Variants in JMJD1C observed in about 807,000 individuals in gnomAD.
JMJD1C encodes the protein jumonji domain containing 1C.
JMJD1C carries 31 observed loss-of-function variants against 245.3 expected under a neutral mutation model. The observed-to-expected ratio is 0.13, with a 90% confidence interval of 0.09 to 0.17. The LOEUF (loss-of-function observed/expected upper bound fraction) is 0.17. JMJD1C is among the 10% of genes least tolerant of loss of function. JMJD1C has a pLI of 1.00. For synonymous variants in JMJD1C, 1,057 were observed against 1,017.4 expected, an observed-to-expected ratio of 1.04 and a Z score of -0.74; for missense variants, 2,691 against 3,000.2, an observed-to-expected ratio of 0.90 and a Z score of 2.41.
intron 2 of JMJD1C, among the ~76,000 whole-genome samples, chr10:63,313,561 G>A (rs1055475904): frequency 6.6e-6 from 1 of 152,114 alleles, no homozygotes; most frequent in South Asian, 2.1e-4. Context: ...TCCCACCAGC[G>A]GTGTAAGAAT....
intron 2 of JMJD1C, among the ~76,000 whole-genome samples, chr10:63,354,642 T>G (rs1019062444): frequency 1.3e-5 from 2 of 148,456 alleles, no homozygotes; most frequent in Non-Finnish European, 3.0e-5. Flanking sequence ...TTTTTATTAT[T>G]CAGAGTATTT....
At chr10:63,247,189 A>C (rs559118536) in intron 3 of JMJD1C, among the ~76,000 whole-genome samples, 1 of 151,708 alleles carries the variant, frequency 6.6e-6, no homozygotes, top group African/African-American at 2.4e-5. Flanking sequence ...AGATAGATAA[A>C]ATCAATAAAT....
At position 63,206,750 on chromosome 10, in the gene JMJD1C, T is replaced by C. The variant is rs1846672505; in HGVS notation, c.4919A>G (p.Gln1640Arg). Residue 1640 changes from glutamine (Q) to arginine (R), a missense_variant, in exon 10 of 26, where the codon CAA (glutamine) becomes CGA (arginine). This residue lies in a region of JMJD1C where 144 missense variants were observed against 143.3 expected (regional missense o/e 1.00). Transcript: ENST00000399262. Reference sequence around the variant, plus strand: ...TGGCTTAGGTTGTCTTTTAGTCCTTTGCTCTGACTTGCTTTCACTTTCATC... The same window carrying C: ...TGGCTTAGGTTGTCTTTTAGTCCTTCGCTCTGACTTGCTTTCACTTTCATC... The part of the protein sequence containing the change: ...DSDESESKSE[Q>R]RTKRQPKPTY... The C allele has an allele frequency of 1.9e-6, 3 of 1,612,744 alleles. No individual in the cohort carries two copies. The highest frequency in any genetic ancestry group is 1.7e-6 in the Non-Finnish European group (2 of 1,179,794).
At chr10:63,170,571 C>T (rs1256077456) in intron 24 of JMJD1C, among the ~76,000 whole-genome samples, 1 of 152,204 alleles carries the variant, frequency 6.6e-6, no homozygotes, top group Non-Finnish European at 1.5e-5. Flanking sequence ...AAATCAGCTG[C>T]CCTTTTCTTC....
At chr10:63,339,211 G>A (rs891554685) in intron 2 of JMJD1C, among the ~76,000 whole-genome samples, 9 of 152,194 alleles carry the variant, frequency 5.9e-5, no homozygotes, top group Non-Finnish European at 1.2e-4. Context: ...ATTCACTGAA[G>A]AGACTTGCTG....
At position 63,204,112 on chromosome 10, in the gene JMJD1C, G is replaced by A. The variant is rs989475022; in HGVS notation, c.5074+2483C>T. On this transcript the variant is annotated intron_variant, in intron 10 of 25. Coordinates refer to ENST00000399262, the MANE Select transcript of JMJD1C (RefSeq NM_032776.3). ...CTGCACTCCAGTCTGGGCAATGTAG[G>A]GAGACTGTCTCTAAAAAATATTTAA... 1.7e-5 allele frequency: 16 copies of A among 937,648 alleles called. No individual in the cohort carries two copies. The African/African-American group carries it at 2.5e-4, about 15-fold the overall frequency. The allele number at this position is 937,648 out of a possible 1,614,324, so 58.1% of individuals were successfully genotyped here. A position where few individuals can be genotyped will look rare whatever the true frequency, so the allele number is the denominator to read the frequency against.
chr10:63,335,651 A>G (rs1021749024), intron 2 of JMJD1C, among the ~76,000 whole-genome samples: 8 of 152,226 alleles, frequency 5.3e-5, no homozygotes, highest in Admixed American at 5.2e-4. Flanking sequence ...AGCTAGGATT[A>G]CAGGCACCTG....
intron 2 of JMJD1C, among the ~76,000 whole-genome samples, chr10:63,317,374 G>A (rs1466263070): frequency 6.6e-6 from 1 of 151,950 alleles, no homozygotes; most frequent in Non-Finnish European, 1.5e-5. Flanking sequence ...GCACAGTGGC[G>A]TGTGCCTGTA....
chr10:63,332,783 T>A (rs1942299133), intron 2 of JMJD1C, among the ~76,000 whole-genome samples: 1 of 152,234 alleles, frequency 6.6e-6, no homozygotes, highest in Non-Finnish European at 1.5e-5. Context: ...CAAAAGAATA[T>A]GCTAGGTTGA....
At chr10:63,452,521 T>G (rs1250071787) in intron 1 of JMJD1C, among the ~76,000 whole-genome samples, 2 of 152,188 alleles carry the variant, frequency 1.3e-5, no homozygotes, top group African/African-American at 2.4e-5. Context: ...TGGAAAACTG[T>G]GCAGTGGTTC....
intron 2 of JMJD1C, among the ~76,000 whole-genome samples, chr10:63,299,867 C>CCAGTCTTCTTGAATTTT (rs1859878762): frequency 6.6e-6 from 1 of 151,478 alleles, no homozygotes; most frequent in Admixed American, 6.6e-5. Flanking sequence ...TTCAAGGAAC[C>CCAGTCTTCTTGAATTTT]CAGTCTTCTT....
chr10:63,491,205 T>C (rs777939831), intron 1 of JMJD1C, among the ~76,000 whole-genome samples: 2 of 152,174 alleles, frequency 1.3e-5, no homozygotes, highest in Non-Finnish European at 2.9e-5. Flanking sequence ...CTTCCAACTT[T>C]TCTATTACCT....
intron 2 of JMJD1C, among the ~76,000 whole-genome samples, chr10:63,312,233 G>A (rs370821231): frequency 2.0e-5 from 3 of 150,984 alleles, no homozygotes; most frequent in African/African-American, 7.3e-5. Context: ...TTAGCCTCCC[G>A]AGTAGCTGGG....
chr10:63,421,540 G>A (rs1341188479), intron 1 of JMJD1C, among the ~76,000 whole-genome samples: 3 of 152,122 alleles, frequency 2.0e-5, no homozygotes, highest in Non-Finnish European at 4.4e-5. Flanking sequence ...ATGATTAGTT[G>A]AGTTGTACAT....
At chr10:63,439,715 C>T (rs957217256) in intron 1 of JMJD1C, among the ~76,000 whole-genome samples, 2 of 151,862 alleles carry the variant, frequency 1.3e-5, no homozygotes, top group Non-Finnish European at 1.5e-5. Flanking sequence ...AAAAACAGAC[C>T]GTATAATTCT....
chr10:63,204,166 G>C (rs192004098), intron 10 of JMJD1C: 2 of 984,794 alleles, frequency 2.0e-6, no homozygotes, highest in East Asian at 2.3e-4. Context: ...AGGTAGCCTA[G>C]AACAAAAGCA....
chr10:63,474,986 T>G (rs1221167187), intron 1 of JMJD1C, among the ~76,000 whole-genome samples: 12 of 152,202 alleles, frequency 7.9e-5, no homozygotes, highest in Admixed American at 7.2e-4. Flanking sequence ...GTGGGTAGTA[T>G]TGACTGTGAA....
intron 2 of JMJD1C, among the ~76,000 whole-genome samples, chr10:63,299,430 G>T (rs952963587): frequency 6.8e-6 from 1 of 147,674 alleles, no homozygotes; most frequent in South Asian, 2.1e-4. Flanking sequence ...GGCCTCAAGT[G>T]ATCTGCCCAC....
chr10:63,192,354 G>A (rs1055723437), intron 16 of JMJD1C, among the ~76,000 whole-genome samples: 8 of 151,310 alleles, frequency 5.3e-5, no homozygotes, highest in African/African-American at 1.7e-4. Context: ...TGGATTACCC[G>A]AAGTCAGGAG....
Sources: allele counts gnomAD v4.1 joint callset (sites outside exome capture counted in the v4.1 genomes callset), GRCh38; gene constraint gnomAD v4.1.1; regional missense constraint gnomAD v4.1.1; transcripts MANE v1.5; gene names NCBI Gene and HGNC (gene_info 2026-07-23, HGNC 2026-07-21).